The following RBFOX1 variants were observed in gnomAD, a reference collection of about 807,000 sequenced individuals.
The protein encoded by RBFOX1 is RNA binding protein fox-1 homolog 1.
RBFOX1 carries 8 observed loss-of-function variants against 57.7 expected under a neutral mutation model. The ratio of observed to expected loss-of-function variants is 0.14; its 90% CI spans 0.08 to 0.25. RBFOX1 has a LOEUF of 0.25. Ranked by LOEUF, RBFOX1 falls within the 10% of genes least tolerant of loss-of-function variation. RBFOX1 has a pLI of 1.00. For synonymous variants in RBFOX1, 326 were observed against 222.4 expected, an observed-to-expected ratio of 1.47 and a Z score of -4.15; for missense variants, 611 against 548.5, an observed-to-expected ratio of 1.11 and a Z score of -1.14.
chr16:5,829,544 A>G (rs1015622394), intron 3 of RBFOX1, among the ~76,000 whole-genome samples: 8 of 152,118 alleles, frequency 5.3e-5, no homozygotes, highest in African/African-American at 1.9e-4. Context: ...TCAGCTGCAT[A>G]TGAGGATTCT....
rs151299539 is a variant in RBFOX1 at position 5,594,814 on chromosome 16, A to G, written c.259-4088A>G. Among the ~76,000 whole-genome samples, 12 of 151,936 alleles carry G rather than the reference A, an allele frequency of 7.9e-5. No homozygotes were observed. In the East Asian group the frequency reaches 2.3e-3, roughly 29 times the overall value. ...CCTCCAAGATTTATTTTACTTTTAC[A>G]TGTCTATGTAAGTATTTATATACAC... On this transcript the variant is annotated intron_variant, in intron 2 of 2. Coordinates refer to the RBFOX1 transcript ENST00000585867.
rs116015240 is a variant in RBFOX1 at position 5,592,625 on chromosome 16, A to G, written c.259-6277A>G. On this transcript the variant is annotated intron_variant, in intron 2 of 2. Transcript: ENST00000585867. Reference sequence around the variant, plus strand: ...GAGATGGGGTTTCACCATGTTGGCTAGGCTATAAAAATCTATTTTATTATG... The same window carrying G: ...GAGATGGGGTTTCACCATGTTGGCTGGGCTATAAAAATCTATTTTATTATG... Among the ~76,000 whole-genome samples, 634 of 152,280 alleles carry G rather than the reference A, an allele frequency of 4.2e-3. 2 individuals are homozygous for G. The highest frequency in any genetic ancestry group is 0.015 in the African/African-American group (612 of 41,562).
chr16:6,893,373 G>T (rs1038382278), intron 3 of RBFOX1, among the ~76,000 whole-genome samples: 7 of 152,096 alleles, frequency 4.6e-5, no homozygotes, highest in Non-Finnish European at 7.4e-5. Context: ...AAAAGCACAA[G>T]ATAAAAAGAA....
chr16:6,823,537 G>C (rs2091673098), intron 3 of RBFOX1, among the ~76,000 whole-genome samples: 2 of 152,080 alleles, frequency 1.3e-5, no homozygotes. Context: ...TATTACAGGA[G>C]GGAGCCACTG....
intron 2 of RBFOX1, among the ~76,000 whole-genome samples, chr16:6,643,414 GTTTGTTAGT>G (rs1159691886): frequency 4.3e-5 from 4 of 92,474 alleles, no homozygotes; most frequent in Non-Finnish European, 4.5e-5. Flanking sequence ...GTTTTTGTTT[GTTTGTTAGT>G]TTTGTTTTGT....
chr16:7,100,501 A>C (rs899267654), intron 4 of RBFOX1, among the ~76,000 whole-genome samples: 2 of 151,992 alleles, frequency 1.3e-5, no homozygotes, highest in African/African-American at 4.8e-5. Flanking sequence ...TTTTCATACA[A>C]ATTATCTCAT....
At chr16:7,606,118 A>ATTTT (rs34232105) in intron 9 of RBFOX1, among the ~76,000 whole-genome samples, 2 of 114,622 alleles carry the variant, frequency 1.7e-5, no homozygotes, top group Non-Finnish European at 3.4e-5. Flanking sequence ...ACCTGCATGG[A>ATTTT]TTTTTTTTTT....
intron 3 of RBFOX1, among the ~76,000 whole-genome samples, chr16:6,747,841 A>G (rs149451546): frequency 5.0e-4 from 76 of 152,188 alleles, no homozygotes; most frequent in African/African-American, 1.8e-3. Context: ...ATCCAGAGTC[A>G]TTTTTCTGAC....
At chr16:7,489,540 C>G (rs1216244882) in intron 4 of RBFOX1, among the ~76,000 whole-genome samples, 1 of 151,740 alleles carries the variant, frequency 6.6e-6, no homozygotes, top group African/African-American at 2.4e-5. Flanking sequence ...TAGAGTCTTG[C>G]TCTGTCACTC....
intron 1 of RBFOX1, among the ~76,000 whole-genome samples, chr16:5,259,348 G>T (rs2062671025): frequency 6.6e-6 from 1 of 152,188 alleles, no homozygotes; most frequent in Non-Finnish European, 1.5e-5. Flanking sequence ...GTTTGCAAAA[G>T]CTCCCAGCTG....
chr16:6,142,110 T>G (rs1437735532), intron 1 of RBFOX1, among the ~76,000 whole-genome samples: 1 of 147,224 alleles, frequency 6.8e-6, no homozygotes, highest in African/African-American at 2.6e-5. Context: ...CCTGTCTTAC[T>G]TCTCGATCCC....
intron 2 of RBFOX1, among the ~76,000 whole-genome samples, chr16:5,503,152 G>C (rs990119033): frequency 2.0e-5 from 3 of 152,196 alleles, no homozygotes; most frequent in Non-Finnish European, 4.4e-5. Context: ...GCCATTGACT[G>C]CTGTGTGACT....
intron 1 of RBFOX1, among the ~76,000 whole-genome samples, chr16:5,299,103 G>C (rs2063744804): frequency 6.6e-6 from 1 of 150,404 alleles, no homozygotes; most frequent in Non-Finnish European, 1.5e-5. Flanking sequence ...CCTTCCAGGG[G>C]CAACCACTGT....
intron 4 of RBFOX1, among the ~76,000 whole-genome samples, chr16:5,964,210 C>G (rs2059802760): frequency 6.6e-6 from 1 of 152,088 alleles, no homozygotes. Flanking sequence ...CCACCTCATA[C>G]CTATTAGGAT....
At chr16:5,797,838 T>G (rs1001372975) in intron 3 of RBFOX1, among the ~76,000 whole-genome samples, 2 of 152,210 alleles carry the variant, frequency 1.3e-5, no homozygotes, top group Admixed American at 1.3e-4. Context: ...AATGAAATAT[T>G]GACTTATAGG....
intron 4 of RBFOX1, among the ~76,000 whole-genome samples, chr16:5,992,552 G>C (rs1320006346): frequency 1.3e-5 from 2 of 152,208 alleles, no homozygotes; most frequent in Non-Finnish European, 1.5e-5. Flanking sequence ...GTGTGTGCTT[G>C]TGTGTGTGCT....
chr16:7,582,539 T>C (rs970027449), intron 6 of RBFOX1, among the ~76,000 whole-genome samples: 2 of 152,178 alleles, frequency 1.3e-5, no homozygotes, highest in Admixed American at 6.5e-5. Flanking sequence ...TGTTATAGGA[T>C]ACATTTAGTG....
chr16:5,496,722 G>C (rs1190169557), intron 2 of RBFOX1, among the ~76,000 whole-genome samples: 2 of 152,178 alleles, frequency 1.3e-5, no homozygotes, highest in Non-Finnish European at 2.9e-5. Context: ...TGCATTTCCA[G>C]AGAGCTTGGC....
intron 1 of RBFOX1, among the ~76,000 whole-genome samples, chr16:5,262,601 CA>C (rs1246643952): frequency 1.3e-5 from 2 of 152,166 alleles, no homozygotes; most frequent in Non-Finnish European, 2.9e-5. Flanking sequence ...TGCCTTACAA[CA>C]AATCAATCTG....
Sources: gnomAD v4.1 joint callset for allele counts (sites outside exome capture counted in the v4.1 genomes callset) on GRCh38, gnomAD v4.1.1 for gene constraint, MANE v1.5 for transcripts, NCBI Gene and HGNC (gene_info 2026-07-23, HGNC 2026-07-21) for gene names.